The following PLD5 variants were observed in gnomAD, a reference collection of about 807,000 sequenced individuals.
PLD5 encodes the protein inactive phospholipase D5.
A neutral mutation model predicts 61.1 loss-of-function variants in PLD5; 36 were observed. The ratio of observed to expected loss-of-function variants is 0.59; its 90% CI spans 0.45 to 0.78. PLD5 has a LOEUF of 0.78. Ranked by LOEUF, PLD5 falls within the 30% of genes least tolerant of loss-of-function variation. PLD5 has a pLI of 0.00. For synonymous variants in PLD5, 243 were observed against 242.8 expected, an observed-to-expected ratio of 1.00 and a Z score of -0.01; for missense variants, 515 against 644.4, an observed-to-expected ratio of 0.80 and a Z score of 2.17.
intron 5 of PLD5, among the ~76,000 whole-genome samples, chr1:242,189,813 C>A (rs1169117460): frequency 6.6e-6 from 1 of 152,116 alleles, no homozygotes. Flanking sequence ...AAGAACTATG[C>A]CAGCAGGAGG....
chr1:242,335,262 G>A (rs1659435240), intron 2 of PLD5, among the ~76,000 whole-genome samples: 1 of 152,036 alleles, frequency 6.6e-6, no homozygotes, highest in Admixed American at 6.5e-5. Flanking sequence ...TATTTCATCT[G>A]TAAAATTAGT....
chr1:242,118,234 G>A (rs1662100433), intron 6 of PLD5, among the ~76,000 whole-genome samples: 1 of 152,166 alleles, frequency 6.6e-6, no homozygotes, highest in Admixed American at 6.5e-5. Flanking sequence ...GTTTCCTAAT[G>A]GGGTTAATGA....
intron 1 of PLD5, among the ~76,000 whole-genome samples, chr1:242,366,935 A>G (rs997460798): frequency 1.3e-5 from 2 of 152,196 alleles, no homozygotes; most frequent in East Asian, 3.9e-4. Flanking sequence ...ATTGATTCCC[A>G]TAACAGAAAC....
intron 4 of PLD5, among the ~76,000 whole-genome samples, chr1:242,254,674 AACC>A (rs575280649): frequency 1.1e-3 from 167 of 152,082 alleles, no homozygotes; most frequent in African/African-American, 2.7e-3. Flanking sequence ...CGTCTCAAAC[AACC>A]ACCACCACCA....
rs762009037 is a variant in PLD5 at position 242,100,793 on chromosome 1, A to C, written c.1240-11T>G. Reference sequence around the variant, plus strand: ...CAGATCAAAAAATTTCTGTAAGAAAAAAAAAAAGGGGGCAGGTAAATAAGA... The same window carrying C: ...CAGATCAAAAAATTTCTGTAAGAAACAAAAAAAGGGGGCAGGTAAATAAGA... On this transcript the variant is annotated splice_polypyrimidine_tract_variant and intron_variant, in intron 8 of 9. Transcript: ENST00000536534. 3.2e-6 allele frequency: 5 copies of C among 1,577,812 alleles called. No individual in the cohort carries two copies. In the Admixed American group the frequency reaches 6.8e-5, roughly 21 times the overall value.
At chr1:242,368,464 A>T (rs1661459358) in intron 1 of PLD5, among the ~76,000 whole-genome samples, 1 of 152,178 alleles carries the variant, frequency 6.6e-6, no homozygotes, top group East Asian at 1.9e-4. Flanking sequence ...TCTGCTACAG[A>T]GAGGGGTCCC....
chr1:242,386,029 G>C (rs1662578976), intron 1 of PLD5, among the ~76,000 whole-genome samples: 1 of 152,048 alleles, frequency 6.6e-6, no homozygotes, highest in South Asian at 2.1e-4. Flanking sequence ...TCCATTCCAG[G>C]ACCCTCTCCT....
At chr1:242,260,254 G>C (rs1673305684) in intron 4 of PLD5, among the ~76,000 whole-genome samples, 1 of 151,628 alleles carries the variant, frequency 6.6e-6, no homozygotes, top group African/African-American at 2.4e-5. Context: ...GGCTGAGGCA[G>C]AAGAATCACT....
intron 4 of PLD5, among the ~76,000 whole-genome samples, chr1:242,243,933 T>C (rs1672212873): frequency 6.6e-6 from 1 of 152,184 alleles, no homozygotes. Flanking sequence ...AAAAACACGG[T>C]AGTTTTGAAT....
intron 2 of PLD5, among the ~76,000 whole-genome samples, chr1:242,346,674 G>A (rs988925400): frequency 6.6e-6 from 1 of 152,180 alleles, no homozygotes; most frequent in Non-Finnish European, 1.5e-5. Flanking sequence ...AGGGGTACAA[G>A]TGCAGGATGT....
chr1:242,427,142 T>C (rs990541241), intron 1 of PLD5, among the ~76,000 whole-genome samples: 9 of 152,202 alleles, frequency 5.9e-5, no homozygotes, highest in African/African-American at 1.9e-4. Context: ...CTCACTGATA[T>C]TTTGAGTTTT....
intron 2 of PLD5, among the ~76,000 whole-genome samples, chr1:242,308,692 C>G (rs1417179350): frequency 6.6e-6 from 1 of 152,090 alleles, no homozygotes; most frequent in Non-Finnish European, 1.5e-5. Context: ...TTCGAAACCT[C>G]TGAACATTTT....
chr1:242,305,148 A>G (rs1228485993), intron 2 of PLD5, among the ~76,000 whole-genome samples: 1 of 152,182 alleles, frequency 6.6e-6, no homozygotes, highest in Non-Finnish European at 1.5e-5. Flanking sequence ...CTATTCACGC[A>G]CTTTTAAGAT....
At chr1:242,090,368 C>T (rs1453501342) in intron 9 of PLD5, among the ~76,000 whole-genome samples, 1 of 152,176 alleles carries the variant, frequency 6.6e-6, no homozygotes, top group Non-Finnish European at 1.5e-5. Flanking sequence ...GCTGTTCTTT[C>T]TTGTAAATGT....
chr1:242,264,696 C>A (rs1673556860), intron 4 of PLD5, among the ~76,000 whole-genome samples: 1 of 152,072 alleles, frequency 6.6e-6, no homozygotes, highest in Non-Finnish European at 1.5e-5. Flanking sequence ...CTTTTAGAGG[C>A]TTACAGTTTG....
intron 5 of PLD5, among the ~76,000 whole-genome samples, chr1:242,186,529 T>C (rs2148916047): frequency 1.3e-5 from 2 of 152,184 alleles, no homozygotes; most frequent in Non-Finnish European, 2.9e-5. Flanking sequence ...TAAAAAAAGG[T>C]ATAGTCACTG....
At chr1:242,399,219 A>G (rs2809978) in intron 1 of PLD5, among the ~76,000 whole-genome samples, 64,860 of 152,114 alleles carry the variant, frequency 0.43, 14,314 homozygotes, top group African/African-American at 0.54. Context: ...TAGGGGCTCA[A>G]TACACATTGG....
intron 5 of PLD5, among the ~76,000 whole-genome samples, 169 bp from the exon 6 acceptor site, chr1:242,124,834 G>A (rs1372484871): frequency 1.3e-5 from 2 of 152,168 alleles, no homozygotes; most frequent in African/African-American, 4.8e-5. Context: ...TTATAAAAAT[G>A]CTAAATATTT....
At chr1:242,405,334 C>T (rs1191367769) in intron 1 of PLD5, among the ~76,000 whole-genome samples, 1 of 152,164 alleles carries the variant, frequency 6.6e-6, no homozygotes, top group Non-Finnish European at 1.5e-5. Flanking sequence ...ATGTCTGAGG[C>T]ATTTCTGGTC....
Sources: gnomAD v4.1 joint callset for allele counts (sites outside exome capture counted in the v4.1 genomes callset) on GRCh38, gnomAD v4.1.1 for gene constraint, MANE v1.5 for transcripts, NCBI Gene and HGNC (gene_info 2026-07-23, HGNC 2026-07-21) for gene names.